Variants in KDM7A observed in about 807,000 individuals in gnomAD.
KDM7A encodes the protein lysine demethylase 7A.
KDM7A carries 28 observed loss-of-function variants against 114.8 expected under a neutral mutation model. The ratio of observed to expected loss-of-function variants is 0.24; its 90% confidence interval spans 0.18 to 0.33. The LOEUF (loss-of-function observed/expected upper bound fraction) is 0.33. Among genes scored for constraint, KDM7A ranks in the 10% least tolerant of loss-of-function variants. The probability of loss-of-function intolerance (pLI) is 1.00; values close to 1 mark genes in which losing one functional copy is unlikely to be tolerated. For missense variants in KDM7A, 942 were observed against 1,142.5 expected (o/e 0.82, Z 2.53); for synonymous variants, 423 against 397.8 (o/e 1.06, Z -0.75).
chr7:140,137,372 A>G (rs1487755373), intron 2 of KDM7A, among the ~76,000 whole-genome samples: 1 of 152,256 alleles, frequency 6.6e-6, no homozygotes, highest in Non-Finnish European at 1.5e-5. Context: ...TCTGCCTCAT[A>G]GTAACTTACT....
chr7:140,170,847 G>A (rs1235461998), intron 1 of KDM7A, among the ~76,000 whole-genome samples: 1 of 152,158 alleles, frequency 6.6e-6, no homozygotes, highest in Non-Finnish European at 1.5e-5. Context: ...CTTGGCCAAA[G>A]TCAACATCAT....
At chr7:140,151,466 T>A (rs1191814184) in intron 1 of KDM7A, among the ~76,000 whole-genome samples, 7 of 152,184 alleles carry the variant, frequency 4.6e-5, no homozygotes, top group Non-Finnish European at 7.3e-5. Flanking sequence ...TGGAGCCCGT[T>A]TAAATATAAA....
At chr7:140,148,837 T>C (rs1585161355) in intron 1 of KDM7A, among the ~76,000 whole-genome samples, 1 of 152,312 alleles carries the variant, frequency 6.6e-6, no homozygotes, top group African/African-American at 2.4e-5. Flanking sequence ...CAAAATTAAA[T>C]GGTTTCTTCA....
chr7:140,128,031 A>C (rs1818733523), intron 4 of KDM7A, among the ~76,000 whole-genome samples: 1 of 152,190 alleles, frequency 6.6e-6, no homozygotes, highest in African/African-American at 2.4e-5. Flanking sequence ...CATTTCAAAA[A>C]AAAACACATC....
intron 1 of KDM7A, among the ~76,000 whole-genome samples, chr7:140,174,977 TA>T (rs1415366797): frequency 1.3e-5 from 2 of 150,880 alleles, no homozygotes; most frequent in Non-Finnish European, 3.0e-5. Context: ...TGAAAAAAAA[TA>T]AGCATTTACA....
chr7:140,155,086 C>A (rs1794444003), intron 1 of KDM7A, among the ~76,000 whole-genome samples: 1 of 152,150 alleles, frequency 6.6e-6, no homozygotes, highest in East Asian at 1.9e-4. Flanking sequence ...AAGTCAATAA[C>A]TGATCATACA....
rs1562945948 is a variant in KDM7A at position 140,100,687 on chromosome 7, T to TATATATATATATATATAC, written c.1639-665_1639-664insGTATATATATATATATAT. Among the ~76,000 whole-genome samples the TATATATATATATATATAC allele has an allele frequency of 2.4e-4, 10 of 40,920 alleles. No homozygotes were observed. The South Asian group carries it at 3.1e-3, about 13-fold the overall frequency. 26.8% of individuals were successfully genotyped at this position (40,920 alleles called of 152,430 possible). On this transcript the variant is annotated intron_variant, in intron 12 of 19. Transcript: ENST00000397560. ...ATATATATATATATATATACATATA[T>TATATATATATATATATAC]ACATATATATATATATATATACACA...
chr7:140,141,842 C>T (rs1191042824), intron 1 of KDM7A, among the ~76,000 whole-genome samples: 5 of 150,970 alleles, frequency 3.3e-5, no homozygotes, highest in African/African-American at 1.2e-4. Context: ...TGCAGTGAAC[C>T]GAAATCACAC....
chr7:140,103,577 T>C (rs1818273956), intron 11 of KDM7A, among the ~76,000 whole-genome samples: 1 of 152,114 alleles, frequency 6.6e-6, no homozygotes, highest in Non-Finnish European at 1.5e-5. Context: ...TTTTTTGTCC[T>C]TGTGATAGTT....
At chr7:140,099,101 C>A in intron 13 of KDM7A, 68 bp from the exon 14 acceptor site, 1 of 1,175,734 alleles carries the variant, frequency 8.5e-7, no homozygotes, top group South Asian at 1.4e-5. Flanking sequence ...ATTTATTCCC[C>A]TCTCCCTTAA....
chr7:140,110,150 C>T (rs555295379), intron 11 of KDM7A, among the ~76,000 whole-genome samples: 38 of 144,860 alleles, frequency 2.6e-4, no homozygotes, highest in African/African-American at 9.6e-4. Flanking sequence ...CATTTAACTA[C>T]TGTTTTACTT....
rs1817926185 is a variant in KDM7A at position 140,086,561 on chromosome 7, A to G, written c.*4533T>C. The G allele has an allele frequency of 6.6e-6, 1 of 152,198 alleles. No homozygotes were observed. The highest frequency in any genetic ancestry group is 2.4e-5 in the African/African-American group (1 of 41,446). The allele number at this position is 152,198 out of a possible 1,614,324, so 9.4% of individuals were successfully genotyped here. A position where few individuals can be genotyped will look rare whatever the true frequency, so the allele number is the denominator to read the frequency against. ...AGGGAAGGGCTTCTAGGAAGGCTAC[A>G]GTATTAAGATTACATTACGTTCAAC... On this transcript the variant is annotated 3_prime_UTR_variant, in exon 20 of 20. Transcript: ENST00000397560.
chr7:140,119,501 C>T (rs1818584702), intron 8 of KDM7A, among the ~76,000 whole-genome samples: 1 of 152,128 alleles, frequency 6.6e-6, no homozygotes, highest in South Asian at 2.1e-4. Context: ...GACATTTTTA[C>T]GAGGGTTCTA....
chr7:140,140,041 G>A (rs1193138196), intron 1 of KDM7A, among the ~76,000 whole-genome samples: 1 of 152,056 alleles, frequency 6.6e-6, no homozygotes, highest in Non-Finnish European at 1.5e-5. Context: ...TCACATGCAA[G>A]TTCTATCAAA....
At chr7:140,120,302 C>G in intron 8 of KDM7A, 140 bp downstream of exon 8, 1 of 513,458 alleles carries the variant, frequency 1.9e-6, no homozygotes, top group East Asian at 3.0e-5. Flanking sequence ...TTGTTAAAAG[C>G]TTCTATCCCT....
chr7:140,136,699 G>A (rs1818876017), intron 2 of KDM7A, among the ~76,000 whole-genome samples: 4 of 152,146 alleles, frequency 2.6e-5, no homozygotes, highest in African/African-American at 9.7e-5. Context: ...AAACCAACAG[G>A]AAACCCAGGT....
At position 140,099,042 on chromosome 7, in the gene KDM7A, A is replaced by T; in HGVS notation, c.1764-9T>A. 6.3e-7 allele frequency: 1 copy of T among 1,599,462 alleles called. No individual in the cohort carries two copies. The highest frequency in any genetic ancestry group is 8.5e-7 in the Non-Finnish European group (1 of 1,172,536). On this transcript the variant is annotated splice_polypyrimidine_tract_variant and intron_variant, in intron 13 of 19. Coordinates refer to ENST00000397560, the MANE Select transcript of KDM7A (RefSeq NM_030647.2). ...AGGGCTGCCTTTCATCTCTGTATTA[A>T]GAAGGAAAAGTAATCAGAATATAGT...
At chr7:140,168,968 G>A (rs1015019034) in intron 1 of KDM7A, among the ~76,000 whole-genome samples, 4 of 152,164 alleles carry the variant, frequency 2.6e-5, no homozygotes, top group African/African-American at 4.8e-5. Context: ...CTTACAGTTC[G>A]TAATATATAC....
intron 7 of KDM7A, among the ~76,000 whole-genome samples, chr7:140,124,049 G>A (rs994622585): frequency 6.9e-6 from 1 of 145,126 alleles, no homozygotes; most frequent in African/African-American, 2.6e-5. Flanking sequence ...CAGCCTGAGC[G>A]ACAGAGCAAG....
Sources: gnomAD v4.1 joint callset for allele counts (sites outside exome capture counted in the v4.1 genomes callset) on GRCh38, gnomAD v4.1.1 for gene constraint, MANE v1.5 for transcripts, NCBI Gene and HGNC (gene_info 2026-07-23, HGNC 2026-07-21) for gene names.